The following CCDC141 variants were observed in gnomAD, a reference collection of about 807,000 sequenced individuals.
CCDC141 encodes the protein coiled-coil domain containing 141.
In CCDC141, 168 loss-of-function variants were observed where a neutral mutation model predicts 181.0. The observed-to-expected ratio is 0.93, with a 90% CI of 0.82 to 1.05. CCDC141 has a LOEUF of 1.05. CCDC141 is among the 50% of genes least tolerant of loss of function. CCDC141 has a pLI of 0.00. For synonymous variants in CCDC141, 666 were observed against 642.3 expected (o/e 1.04, Z -0.56); for missense variants, 1,902 against 1,788.5 (o/e 1.06, Z -1.14).
At chr2:178,901,651 T>C (rs1687698923) in intron 8 of CCDC141, among the ~76,000 whole-genome samples, 1 of 151,786 alleles carries the variant, frequency 6.6e-6, no homozygotes, top group Non-Finnish European at 1.5e-5. Flanking sequence ...GCCAATATCA[T>C]ACTGAATGGG....
chr2:179,042,358 T>C (rs2043333346), intron 2 of CCDC141, among the ~76,000 whole-genome samples: 1 of 152,048 alleles, frequency 6.6e-6, no homozygotes, highest in South Asian at 2.1e-4. Context: ...CAAGAAATTC[T>C]TTTTTTTGAC....
chr2:178,885,148 C>A, intron 10 of CCDC141, 56 bp from the exon 11 acceptor site: 5 of 1,218,764 alleles, frequency 4.1e-6, no homozygotes, highest in Non-Finnish European at 4.6e-6. Context: ...TGAACATTCA[C>A]GTTTCATTAT....
At chr2:179,035,291 C>T (rs554917794) in intron 2 of CCDC141, among the ~76,000 whole-genome samples, 1 of 152,234 alleles carries the variant, frequency 6.6e-6, no homozygotes, top group East Asian at 1.9e-4. Context: ...CCATCTTTCA[C>T]GTTAGAGAAA....
At chr2:178,869,776 C>T (rs1461463504) in intron 14 of CCDC141, among the ~76,000 whole-genome samples, 1 of 152,168 alleles carries the variant, frequency 6.6e-6, no homozygotes, top group African/African-American at 2.4e-5. Flanking sequence ...GAACCACCAG[C>T]TGAACAGCAT....
intron 2 of CCDC141, among the ~76,000 whole-genome samples, chr2:179,038,699 C>G (rs562755910): frequency 6.6e-6 from 1 of 152,050 alleles, no homozygotes; most frequent in Non-Finnish European, 1.5e-5. Context: ...AGAAATAGGG[C>G]AAAAATAAGC....
intron 2 of CCDC141, among the ~76,000 whole-genome samples, chr2:178,983,054 T>A (rs563952558): frequency 6.6e-6 from 1 of 152,264 alleles, no homozygotes; most frequent in South Asian, 2.1e-4. Flanking sequence ...TCTGCAGACT[T>A]AAATGTCCCT....
chr2:179,036,246 A>G (rs907069494), intron 2 of CCDC141, among the ~76,000 whole-genome samples: 1 of 151,924 alleles, frequency 6.6e-6, no homozygotes, highest in South Asian at 2.1e-4. Context: ...TGGTAAATCA[A>G]CTCCCATCAA....
intron 5 of CCDC141, among the ~76,000 whole-genome samples, chr2:178,954,676 T>A (rs981314329): frequency 1.3e-5 from 2 of 152,178 alleles, no homozygotes; most frequent in Admixed American, 1.3e-4. Flanking sequence ...CACATTATTA[T>A]TCATCAGTAA....
At chr2:178,911,501 T>G (rs1688216445) in intron 7 of CCDC141, among the ~76,000 whole-genome samples, 1 of 152,232 alleles carries the variant, frequency 6.6e-6, no homozygotes, top group Non-Finnish European at 1.5e-5. Context: ...CAAACATTTC[T>G]AATTTTCACT....
chr2:178,981,657 T>TATATATATATATATATAC (rs1553495348), intron 2 of CCDC141, among the ~76,000 whole-genome samples: 38 of 132,042 alleles, frequency 2.9e-4, no homozygotes, highest in African/African-American at 9.1e-4. Flanking sequence ...TATATATATA[T>TATATATATATATATATAC]ACATACATAT....
chr2:178,991,027 G>A (rs1018299761), intron 2 of CCDC141, among the ~76,000 whole-genome samples: 2 of 152,118 alleles, frequency 1.3e-5, no homozygotes, highest in African/African-American at 2.4e-5. Context: ...TCTGCAAGCT[G>A]AAACTGCCTA....
rs572491174 is a variant in CCDC141 at position 178,869,324 on chromosome 2, TA to T, written c.2206-20del. The T allele has an allele frequency of 3.9e-6, 6 of 1,558,202 alleles. No individual in the cohort carries two copies. The highest frequency in any genetic ancestry group is 2.1e-5 in the Admixed American group (1 of 47,086). Reference sequence around the variant, plus strand: ...TCAATTGCTAAAACATTGAAAGCAATAAAAAAATCTTGCTATTAAAGAACTT... The same window carrying T: ...TCAATTGCTAAAACATTGAAAGCAATAAAAAATCTTGCTATTAAAGAACTT... On this transcript the variant is annotated intron_variant, in intron 14 of 23. Transcript: ENST00000443758.
intron 4 of CCDC141, among the ~76,000 whole-genome samples, chr2:178,973,972 T>A (rs993891208): frequency 6.6e-6 from 1 of 152,162 alleles, no homozygotes; most frequent in Non-Finnish European, 1.5e-5. Flanking sequence ...CTTTTTATAA[T>A]CCCTATTAGT....
At chr2:178,860,543 C>CT (rs71023458) in intron 17 of CCDC141, among the ~76,000 whole-genome samples, 3,235 of 51,320 alleles carry the variant, frequency 0.063, 939 homozygotes, top group East Asian at 0.33. Flanking sequence ...AAAAACAACA[C>CT]TTTTTTTTTT....
intron 5 of CCDC141, among the ~76,000 whole-genome samples, chr2:178,945,881 G>C (rs937414285): frequency 7.2e-6 from 1 of 138,188 alleles, no homozygotes; most frequent in Admixed American, 7.2e-5. Context: ...ACACACATCA[G>C]AGTTAAGGGC....
Position 178,905,364 on chromosome 2 carries a change from C to G in CCDC141, c.1230G>C (p.Lys410Asn), listed in dbSNP as rs1198371974. Residue 410 changes from lysine (K) to asparagine (N), a missense_variant, in exon 8 of 24, where the codon AAG becomes AAC. Physicochemically the swap from Lys to Asn is moderately conservative, Grantham distance 94. Coordinates refer to ENST00000443758, the MANE Select transcript of CCDC141 (RefSeq NM_173648.4). ...CTACTTGGCTGATTAAGGTTTGTCC[C>G]TTTTGCAAAGCATCAGTTGTGCAGT... Reference protein sequence around the residue: ...IKDCTTDALQKGQTLISQVDS... With the variant: ...IKDCTTDALQNGQTLISQVDS... The G allele has an allele frequency of 5.2e-6, 8 of 1,549,920 alleles. No homozygotes were observed. Among genetic ancestry groups the G allele is most frequent in the Non-Finnish European group, 7.0e-6 (8 of 1,146,796 alleles).
chr2:179,017,401 G>A (rs1383864967), intron 2 of CCDC141, among the ~76,000 whole-genome samples: 1 of 152,006 alleles, frequency 6.6e-6, no homozygotes, highest in Admixed American at 6.6e-5. Flanking sequence ...ATCTGGGGTG[G>A]GTGATAGCCC....
intron 8 of CCDC141, among the ~76,000 whole-genome samples, chr2:178,899,225 A>G (rs1664246869): frequency 1.3e-5 from 2 of 152,204 alleles, no homozygotes; most frequent in South Asian, 4.1e-4. Context: ...AGGCTAGCCT[A>G]GCTATGTAGT....
chr2:178,983,075 T>A (rs886535471), intron 2 of CCDC141, among the ~76,000 whole-genome samples: 1 of 152,172 alleles, frequency 6.6e-6, no homozygotes, highest in Admixed American at 6.5e-5. Context: ...GTCTGACAGC[T>A]TTGAAGAGAG....
Sources: gnomAD v4.1 joint callset for allele counts (sites outside exome capture counted in the v4.1 genomes callset) on GRCh38, gnomAD v4.1.1 for gene constraint, MANE v1.5 for transcripts, NCBI Gene and HGNC (gene_info 2026-07-23, HGNC 2026-07-21) for gene names.